The following MAPK10 variants were observed in gnomAD, a reference collection of about 807,000 sequenced individuals.
MAPK10 encodes mitogen-activated protein kinase 10.
A neutral mutation model predicts 59.3 loss-of-function variants in MAPK10; 25 were observed. That is an observed-to-expected ratio of 0.42 (90% CI 0.31 to 0.59). The LOEUF (loss-of-function observed/expected upper bound fraction) is 0.59. MAPK10 is among the 20% of genes least tolerant of loss of function. MAPK10 has a pLI of 0.15. For missense variants in MAPK10, 351 were observed against 568.9 expected (o/e 0.62, Z 3.90); for synonymous variants, 190 against 200.5 (o/e 0.95, Z 0.44).
chr4:86,405,724 C>G (rs1744282030), intron 1 of MAPK10, among the ~76,000 whole-genome samples: 1 of 152,188 alleles, frequency 6.6e-6, no homozygotes. Flanking sequence ...GCAACACAGT[C>G]CTTAGCTGGC....
intron 2 of MAPK10, among the ~76,000 whole-genome samples, chr4:86,221,670 T>G (rs2089645329): frequency 6.6e-6 from 1 of 151,990 alleles, no homozygotes; most frequent in African/African-American, 2.4e-5. Flanking sequence ...TTTGTTTGTT[T>G]GTTTGTTTGT....
At chr4:86,429,803 T>C (rs1747790675) in intron 1 of MAPK10, 1 of 150,544 alleles carries the variant, frequency 6.6e-6, no homozygotes, top group Non-Finnish European at 1.5e-5. Context: ...CTAGATCCTG[T>C]CTCTGTTTAA....
At chr4:86,409,452 C>T (rs1352340890) in intron 1 of MAPK10, among the ~76,000 whole-genome samples, 3 of 152,090 alleles carry the variant, frequency 2.0e-5, no homozygotes, top group Non-Finnish European at 4.4e-5. Context: ...TCATTGGTAG[C>T]TTGATGGGGA....
intron 4 of MAPK10, among the ~76,000 whole-genome samples, chr4:86,131,903 T>G (rs1260560875): frequency 6.6e-6 from 1 of 152,082 alleles, no homozygotes; most frequent in Non-Finnish European, 1.5e-5. Context: ...TAAATTGAAA[T>G]GTACCAGATC....
intron 1 of MAPK10, among the ~76,000 whole-genome samples, chr4:86,550,005 A>G (rs1357614731): frequency 1.3e-5 from 2 of 152,190 alleles, no homozygotes; most frequent in African/African-American, 4.8e-5. Context: ...ATGTATCAAT[A>G]CCTTTCAAGG....
intron 1 of MAPK10, among the ~76,000 whole-genome samples, chr4:86,381,657 C>T (rs2149001600): frequency 6.6e-6 from 1 of 152,340 alleles, no homozygotes; most frequent in South Asian, 2.1e-4. Flanking sequence ...CCTGGCTCCG[C>T]TTGTGGAGTC....
intron 2 of MAPK10, among the ~76,000 whole-genome samples, chr4:86,256,422 T>C (rs1174815061): frequency 1.3e-5 from 2 of 152,206 alleles, no homozygotes; most frequent in Non-Finnish European, 1.5e-5. Context: ...TCAATTATCC[T>C]GTTTTAAAAT....
At chr4:86,163,024 TC>T (rs1384664652) in intron 3 of MAPK10, among the ~76,000 whole-genome samples, 8 of 152,168 alleles carry the variant, frequency 5.3e-5, no homozygotes, top group African/African-American at 1.7e-4. Flanking sequence ...ACATATAATT[TC>T]CTTTCAAGTT....
rs1000096338 is a variant in MAPK10 at position 86,328,253 on chromosome 4, TCTA to T, written c.-7+26274_-7+26276del. Among the ~76,000 whole-genome samples the T allele has an allele frequency of 4.5e-4, 69 of 152,078 alleles. 1 individual carries two copies. Among genetic ancestry groups the T allele is most frequent in the African/African-American group, 1.4e-3 (59 of 41,480 alleles). On this transcript the variant is annotated intron_variant, in intron 2 of 13. Transcript: ENST00000641462. ...GCAGCCAACAAACATGAAAAAAAGC[TCTA>T]CATCACTGATCATTAGAGAAATGCA...
chr4:86,194,397 C>A lies in MAPK10; in HGVS notation c.5G>T (p.Ser2Ile). Reference sequence around the variant, plus strand: ...ACTGCAGTAGTATAAGAAATGGAGGCTCATAAATACCTAGAGGAAAAAGAA... The same window carrying A: ...ACTGCAGTAGTATAAGAAATGGAGGATCATAAATACCTAGAGGAAAAAGAA... MSLHFLYYCSEP... is the reference protein window; with the variant it reads MILHFLYYCSEP... Residue 2 changes from serine to isoleucine, a missense_variant, in exon 3 of 14, where the codon AGC (serine) becomes ATC (isoleucine). This residue lies in a region of MAPK10 where 61 missense variants were observed against 58.4 expected (regional missense o/e 1.05). Coordinates refer to ENST00000641462, the MANE Select transcript of MAPK10 (RefSeq NM_138982.4). 1 of 1,596,126 alleles carries A rather than the reference C, an allele frequency of 6.3e-7. No homozygotes were observed. Among genetic ancestry groups the A allele is most frequent in the Non-Finnish European group, 8.6e-7 (1 of 1,163,954 alleles).
chr4:86,141,458 C>T (rs2063628096), intron 4 of MAPK10, among the ~76,000 whole-genome samples: 1 of 152,140 alleles, frequency 6.6e-6, no homozygotes, highest in African/African-American at 2.4e-5. Context: ...CCACTGGTAG[C>T]TTACTCTTTC....
At chr4:86,241,965 A>G (rs1394211955) in intron 2 of MAPK10, among the ~76,000 whole-genome samples, 1 of 151,120 alleles carries the variant, frequency 6.6e-6, no homozygotes, top group Non-Finnish European at 1.5e-5. Flanking sequence ...CATCCTCGTG[A>G]GTTTGTCTAG....
chr4:86,343,420 G>A (rs1417639630), intron 2 of MAPK10, among the ~76,000 whole-genome samples: 1 of 152,102 alleles, frequency 6.6e-6, no homozygotes, highest in African/African-American at 2.4e-5. Flanking sequence ...GCTTTTGTGA[G>A]GCTTATAGTC....
At chr4:86,586,798 G>C (rs1461282309) in intron 1 of MAPK10, among the ~76,000 whole-genome samples, 1 of 152,070 alleles carries the variant, frequency 6.6e-6, no homozygotes, top group Non-Finnish European at 1.5e-5. Flanking sequence ...GGGCCAGTAG[G>C]GGAAAACGGG....
At chr4:86,292,405 C>T (rs957980375) in intron 2 of MAPK10, among the ~76,000 whole-genome samples, 1 of 152,074 alleles carries the variant, frequency 6.6e-6, no homozygotes, top group African/African-American at 2.4e-5. Context: ...GAGGAAATTC[C>T]TGGTATCAAC....
chr4:86,329,866 A>C (rs902411475), intron 2 of MAPK10, among the ~76,000 whole-genome samples: 1 of 152,204 alleles, frequency 6.6e-6, no homozygotes, highest in Non-Finnish European at 1.5e-5. Flanking sequence ...TGCTAATTTG[A>C]AATTATACCT....
intron 2 of MAPK10, among the ~76,000 whole-genome samples, chr4:86,312,092 A>G (rs1564257044): frequency 6.6e-6 from 1 of 152,146 alleles, no homozygotes; most frequent in African/African-American, 2.4e-5. Context: ...TAATAAATAT[A>G]TATGGACATA....
chr4:86,328,941 C>T (rs1268193335), intron 2 of MAPK10, among the ~76,000 whole-genome samples: 1 of 152,078 alleles, frequency 6.6e-6, no homozygotes, highest in Admixed American at 6.6e-5. Context: ...ATAGCTGCAG[C>T]AAACCACCAT....
intron 4 of MAPK10, among the ~76,000 whole-genome samples, chr4:86,113,344 G>C (rs534142396): frequency 1.9e-4 from 29 of 152,258 alleles, no homozygotes; most frequent in South Asian, 1.7e-3. Flanking sequence ...TTTTTGTAGT[G>C]GCTGGTAATG....
Sources: allele counts gnomAD v4.1 joint callset (sites outside exome capture counted in the v4.1 genomes callset), GRCh38; gene constraint gnomAD v4.1.1; regional missense constraint gnomAD v4.1.1; transcripts MANE v1.5; gene names NCBI Gene and HGNC (gene_info 2026-07-23, HGNC 2026-07-21).